PPP1R9A: variants seen among roughly 807,000 people sequenced by gnomAD.
PPP1R9A encodes the protein neurabin-1.
PPP1R9A carries 59 observed loss-of-function variants against 141.9 expected under a neutral mutation model. The ratio of observed to expected loss-of-function variants is 0.42; its 90% CI spans 0.34 to 0.52. The LOEUF (loss-of-function observed/expected upper bound fraction) is 0.52. PPP1R9A is among the 20% of genes least tolerant of loss of function. PPP1R9A has a pLI of 0.10. For synonymous variants in PPP1R9A, 500 were observed against 569.7 expected (o/e 0.88, Z 1.74); for missense variants, 1,444 against 1,611.9 (o/e 0.90, Z 1.78).
intron 2 of PPP1R9A, among the ~76,000 whole-genome samples, chr7:95,007,810 G>A (rs751153170): frequency 6.6e-6 from 1 of 152,094 alleles, no homozygotes; most frequent in Non-Finnish European, 1.5e-5. Flanking sequence ...GGTGGCTCAC[G>A]CCTGTAATAC....
chr7:95,079,330 C>A (rs961558020), intron 2 of PPP1R9A, among the ~76,000 whole-genome samples: 23 of 152,082 alleles, frequency 1.5e-4, no homozygotes, highest in Admixed American at 1.1e-3. Context: ...TGTTCTGTTC[C>A]ATTGATCTAT....
At chr7:95,220,147 A>AAAAAAG (rs1203760803) in intron 7 of PPP1R9A, among the ~76,000 whole-genome samples, 3 of 152,112 alleles carry the variant, frequency 2.0e-5, no homozygotes, top group Non-Finnish European at 2.9e-5. Context: ...GTCACTGACA[A>AAAAAAG]AAAAATGGAA....
chr7:95,283,695 G>A (rs1441826014), intron 16 of PPP1R9A, among the ~76,000 whole-genome samples: 1 of 152,212 alleles, frequency 6.6e-6, no homozygotes, highest in Non-Finnish European at 1.5e-5. Context: ...GGAATGCAGT[G>A]ATGATTAACC....
At chr7:95,217,469 A>T (rs999064531) in intron 7 of PPP1R9A, among the ~76,000 whole-genome samples, 1 of 152,074 alleles carries the variant, frequency 6.6e-6, no homozygotes, top group Non-Finnish European at 1.5e-5. Flanking sequence ...TGGCATCAGG[A>T]TGATGCTGGC....
chr7:95,223,815 A>G (rs1794780839), intron 7 of PPP1R9A, among the ~76,000 whole-genome samples: 1 of 152,008 alleles, frequency 6.6e-6, no homozygotes, highest in Admixed American at 6.6e-5. Context: ...GCCATTTGTA[A>G]TGATAGGGTT....
Position 95,269,319 on chromosome 7 carries a change from A to T in PPP1R9A, c.2936A>T (p.Asp979Val). ...GGTGTTCCACCCCTCACCCCGGTGG[A>T]TAGCAATGTGCCCTTCTCGTCTGAC... Reference protein sequence around the residue: ...DSGVPPLTPVDSNVPFSSDHI... With the variant: ...DSGVPPLTPVVSNVPFSSDHI... Residue 979 changes from aspartate (D) to valine (V), a missense_variant, in exon 14 of 20, where the codon GAT (aspartate) becomes GTT (valine). This residue lies in a region of PPP1R9A where 459 missense variants were observed against 513.8 expected (regional missense o/e 0.89). Coordinates refer to ENST00000433360, the MANE Select transcript of PPP1R9A (RefSeq NM_001166160.2). The T allele has an allele frequency of 6.3e-7, 1 of 1,598,478 alleles. No individual in the cohort carries two copies. The highest frequency in any genetic ancestry group is 8.5e-7 in the Non-Finnish European group (1 of 1,179,374).
At chr7:95,091,619 C>T (rs1817356705) in intron 2 of PPP1R9A, among the ~76,000 whole-genome samples, 1 of 151,870 alleles carries the variant, frequency 6.6e-6, no homozygotes, top group African/African-American at 2.4e-5. Flanking sequence ...GCTGGGATTA[C>T]AGGCGTGAGC....
chr7:95,071,594 G>GT (rs1253244749), intron 2 of PPP1R9A, among the ~76,000 whole-genome samples: 3 of 151,640 alleles, frequency 2.0e-5, no homozygotes, highest in African/African-American at 7.3e-5. Flanking sequence ...ACAAAATAGA[G>GT]TTTACAAAAA....
At chr7:95,083,100 A>G (rs1304541368) in intron 2 of PPP1R9A, among the ~76,000 whole-genome samples, 1 of 151,924 alleles carries the variant, frequency 6.6e-6, no homozygotes, top group African/African-American at 2.4e-5. Context: ...CTGTGGTCCC[A>G]TAACAAAAGA....
At chr7:94,933,237 C>T (rs1017040923) in intron 2 of PPP1R9A, among the ~76,000 whole-genome samples, 3 of 151,966 alleles carry the variant, frequency 2.0e-5, no homozygotes, top group African/African-American at 7.3e-5. Flanking sequence ...TGCAAATTTA[C>T]GAAGAGATTA....
At chr7:95,144,287 C>G (rs2152586302) in intron 4 of PPP1R9A, among the ~76,000 whole-genome samples, 1 of 152,254 alleles carries the variant, frequency 6.6e-6, no homozygotes, top group East Asian at 1.9e-4. Flanking sequence ...ATAATGTCTT[C>G]CAGATTCATC....
At chr7:94,962,492 C>A (rs1333904238) in intron 2 of PPP1R9A, among the ~76,000 whole-genome samples, 1 of 151,796 alleles carries the variant, frequency 6.6e-6, no homozygotes, top group South Asian at 2.1e-4. Flanking sequence ...ACATATGACT[C>A]TAAATTGGAT....
At chr7:94,934,622 C>G (rs1794545039) in intron 2 of PPP1R9A, among the ~76,000 whole-genome samples, 1 of 151,848 alleles carries the variant, frequency 6.6e-6, no homozygotes, top group African/African-American at 2.4e-5. Flanking sequence ...AGGCTATTAG[C>G]TGAGCCTTTA....
intron 2 of PPP1R9A, among the ~76,000 whole-genome samples, chr7:95,102,250 C>G (rs1818889325): frequency 6.6e-6 from 1 of 152,074 alleles, no homozygotes; most frequent in Non-Finnish European, 1.5e-5. Flanking sequence ...CTGAAATGCT[C>G]TATAGGATTG....
intron 4 of PPP1R9A, among the ~76,000 whole-genome samples, chr7:95,152,126 A>G (rs1053403297): frequency 2.0e-5 from 3 of 151,210 alleles, no homozygotes; most frequent in African/African-American, 7.3e-5. Flanking sequence ...TAATTTTTGT[A>G]TTTTTAGTAG....
At chr7:95,086,027 A>G (rs987307272) in intron 2 of PPP1R9A, among the ~76,000 whole-genome samples, 1 of 151,470 alleles carries the variant, frequency 6.6e-6, no homozygotes, top group Admixed American at 6.6e-5. Flanking sequence ...TTTTAAATTT[A>G]TTTTATTTTA....
intron 2 of PPP1R9A, among the ~76,000 whole-genome samples, chr7:94,960,725 G>C (rs1042964159): frequency 2.6e-5 from 4 of 151,656 alleles, no homozygotes; most frequent in African/African-American, 9.6e-5. Context: ...AAACTATTAA[G>C]CAAAGGAGCC....
intron 4 of PPP1R9A, among the ~76,000 whole-genome samples, chr7:95,123,031 G>A (rs1584808902): frequency 1.3e-5 from 2 of 151,296 alleles, no homozygotes; most frequent in Admixed American, 1.3e-4. Flanking sequence ...TGCATTAATA[G>A]CCATGTAACA....
intron 2 of PPP1R9A, among the ~76,000 whole-genome samples, chr7:94,914,606 C>T (rs1473587252): frequency 6.6e-6 from 1 of 152,060 alleles, no homozygotes; most frequent in Non-Finnish European, 1.5e-5. Context: ...TGAGATATGG[C>T]ATGGGAGAAT....
Sources: allele counts gnomAD v4.1 joint callset (sites outside exome capture counted in the v4.1 genomes callset), GRCh38; gene constraint gnomAD v4.1.1; regional missense constraint gnomAD v4.1.1; transcripts MANE v1.5; gene names NCBI Gene and HGNC (gene_info 2026-07-23, HGNC 2026-07-21).